The following GSDMB variants were observed in gnomAD, a reference collection of about 807,000 sequenced individuals.
GSDMB encodes gasdermin-B.
In GSDMB, 32 loss-of-function variants were observed where a neutral mutation model predicts 42.9. The ratio of observed to expected loss-of-function variants is 0.75; its 90% CI spans 0.56 to 1.00. The LOEUF is 1.00. GSDMB is among the 50% of genes least tolerant of loss of function. The probability of loss-of-function intolerance (pLI) is 0.00; values close to 1 mark genes in which losing one functional copy is unlikely to be tolerated. For missense variants in GSDMB, 468 were observed against 498.5 expected (o/e 0.94, Z 0.58); for synonymous variants, 175 against 193.7 (o/e 0.90, Z 0.80).
intron 10 of GSDMB, 100 bp from the exon 11 acceptor site, chr17:39,905,064 C>T (rs563874467): frequency 3.2e-5 from 30 of 949,286 alleles, no homozygotes; most frequent in Admixed American, 1.3e-4. Flanking sequence ...GATAGGCAGA[C>T]GTAATAATCC....
At chr17:39,912,291 T>G in intron 3 of GSDMB, 35 bp downstream of exon 3, 1 of 1,546,314 alleles carries the variant, frequency 6.5e-7, no homozygotes, top group Non-Finnish European at 8.9e-7. Flanking sequence ...ATGGGCTTCT[T>G]CCCCTCCTTC....
chr17:39,912,474 G>C lies in GSDMB; in HGVS notation c.259C>G (p.Leu87Val). 6.2e-7 allele frequency: 1 copy of C among 1,612,840 alleles called. No homozygotes were observed. Among genetic ancestry groups the C allele is most frequent in the Non-Finnish European group, 8.5e-7 (1 of 1,178,810 alleles). ...TCTCCCGTTGAGTCTACATTATCCA[G>C]AATTTGAAACTCAGCCTTTTGACCT... Reference protein sequence around the residue: ...LQGQKAEFQILDNVDSTGELI... With the variant: ...LQGQKAEFQIVDNVDSTGELI... The change falls in exon 3 of 11, where the codon CTG (leucine) becomes GTG (valine). Residue 87 changes from leucine (L) to valine (V), a missense_variant. Leu to Val is a conservative substitution (Grantham distance 32). Coordinates refer to ENST00000418519, the MANE Select transcript of GSDMB (RefSeq NM_001165958.2).
intron 6 of GSDMB, 162 bp from the exon 7 acceptor site, chr17:39,907,149 T>G: frequency 6.8e-7 from 1 of 1,462,404 alleles, no homozygotes; most frequent in Non-Finnish European, 9.0e-7. Context: ...GGGAAAGCAC[T>G]GTATTTGCAG....
chr17:39,915,152 A>G (rs1014412696), intron 2 of GSDMB, among the ~76,000 whole-genome samples: 1 of 151,810 alleles, frequency 6.6e-6, no homozygotes, highest in African/African-American at 2.4e-5. Flanking sequence ...TTGTATTTTT[A>G]GTAGAGACAG....
At chr17:39,909,504 C>G in intron 4 of GSDMB, 1 of 456,908 alleles carries the variant, frequency 2.2e-6, no homozygotes, top group Non-Finnish European at 3.9e-6. Flanking sequence ...TGAGACCAGC[C>G]TGGACAACAT....
chr17:39,910,024 C>A, intron 3 of GSDMB, 100 bp from the exon 4 acceptor site: 2 of 901,602 alleles, frequency 2.2e-6, no homozygotes, highest in Non-Finnish European at 1.7e-6. Flanking sequence ...GAAGATTAAT[C>A]GCTTCTGAGA....
Position 39,904,895 on chromosome 17 carries a change from C to T in GSDMB, c.1168G>A (p.Glu390Lys), listed in dbSNP as rs765175493. Residue 390 changes from glutamate to lysine, a missense_variant, in exon 11 of 11, where the codon GAG (glutamate) becomes AAG (lysine). Physicochemically the swap from Glu to Lys is moderately conservative, Grantham distance 56 (BLOSUM62 1). Coordinates refer to ENST00000418519, the MANE Select transcript of GSDMB (RefSeq NM_001165958.2). ...SSPPDMDYDP[E>K]ARILCALYVV... ...TACAGCGCACAGAGAATTCGTGCCT[C>T]AGGGTCATAGTCCATGTCAGGAGGA... 6.2e-7 allele frequency: 1 copy of T among 1,612,886 alleles called. No individual in the cohort carries two copies. Among genetic ancestry groups the T allele is most frequent in the Non-Finnish European group, 8.5e-7 (1 of 1,178,870 alleles).
At chr17:39,912,904 G>A (rs1006438672) in intron 2 of GSDMB, among the ~76,000 whole-genome samples, 4 of 152,080 alleles carry the variant, frequency 2.6e-5, no homozygotes, top group South Asian at 2.1e-4. Context: ...TCAGGAGTTC[G>A]AGACCAGCCT....
At chr17:39,917,713 A>C in intron 1 of GSDMB, 1 of 232,868 alleles carries the variant, frequency 4.3e-6, no homozygotes, top group Non-Finnish European at 8.6e-6. Context: ...ACTAATGATA[A>C]TGCCACCACC....
intron 2 of GSDMB, among the ~76,000 whole-genome samples, chr17:39,913,415 G>A (rs1466440631): frequency 6.6e-6 from 1 of 152,148 alleles, no homozygotes; most frequent in Non-Finnish European, 1.5e-5. Context: ...TTGAGGTCAG[G>A]AGTTGGAGAC....
At chr17:39,913,294 T>C (rs1268440982) in intron 2 of GSDMB, among the ~76,000 whole-genome samples, 2 of 151,850 alleles carry the variant, frequency 1.3e-5, no homozygotes, top group Non-Finnish European at 2.9e-5. Context: ...GCTAAAGAAG[T>C]AGGAGCCCCA....
chr17:39,913,801 C>T (rs548119292), intron 2 of GSDMB, among the ~76,000 whole-genome samples: 6 of 152,262 alleles, frequency 3.9e-5, no homozygotes, highest in African/African-American at 9.6e-5. Flanking sequence ...GAAGGGGCTG[C>T]GTGCCTTTGT....
rs1040875908 is a variant in GSDMB, at chr17:39,906,997, G to C, written c.701-10C>G. 4 of 1,613,756 alleles carry C rather than the reference G, an allele frequency of 2.5e-6. No homozygotes were observed. The highest frequency in any genetic ancestry group is 2.2e-5 in the East Asian group (1 of 44,880). Reference sequence around the variant, plus strand: ...GAAGCACCATCCTTCTCTGCAGAGAGAGGAAGAGTTATTTCAGAATCTTCA... The same window carrying C: ...GAAGCACCATCCTTCTCTGCAGAGACAGGAAGAGTTATTTCAGAATCTTCA... On this transcript the variant is annotated splice_polypyrimidine_tract_variant and intron_variant, in intron 6 of 10. Transcript: ENST00000418519.
At chr17:39,912,007 C>G (rs1034236064) in intron 3 of GSDMB, among the ~76,000 whole-genome samples, 1 of 151,626 alleles carries the variant, frequency 6.6e-6, no homozygotes, top group Admixed American at 6.6e-5. Flanking sequence ...AATTAACCAT[C>G]CTGGGGGACA....
At chr17:39,907,125 C>T in intron 6 of GSDMB, 138 bp from the exon 7 acceptor site, 1 of 1,506,666 alleles carries the variant, frequency 6.6e-7, no homozygotes, top group Non-Finnish European at 8.9e-7. Context: ...GCATCCTCAC[C>T]AGCGTGTGTC....
intron 4 of GSDMB, 161 bp downstream of exon 4, chr17:39,909,595 G>A: frequency 1.6e-6 from 1 of 630,682 alleles, no homozygotes; most frequent in South Asian, 1.9e-5. Flanking sequence ...AACAAGGGAA[G>A]GACTGGGCAA....
intron 10 of GSDMB, 170 bp downstream of exon 10, chr17:39,905,256 T>C (rs757192582): frequency 1.5e-5 from 9 of 618,000 alleles, no homozygotes; most frequent in African/African-American, 3.7e-5. Context: ...CCACCACAAA[T>C]TGTTCTGGCA....
At chr17:39,907,995 T>C (rs2063535531) in intron 6 of GSDMB, among the ~76,000 whole-genome samples, 181 bp downstream of exon 6, 1 of 152,186 alleles carries the variant, frequency 6.6e-6, no homozygotes, top group Non-Finnish European at 1.5e-5. Context: ...CTGGAAACCC[T>C]AGTCCGATGT....
At chr17:39,906,766 T>G in intron 7 of GSDMB, 195 bp downstream of exon 7, 1 of 1,375,822 alleles carries the variant, frequency 7.3e-7, no homozygotes, top group Non-Finnish European at 9.4e-7. Flanking sequence ...GGTGTGATTT[T>G]GGGGTATAAC....
Sources: gnomAD v4.1 joint callset for allele counts (sites outside exome capture counted in the v4.1 genomes callset) on GRCh38, gnomAD v4.1.1 for gene constraint, MANE v1.5 for transcripts, NCBI Gene and HGNC (gene_info 2026-07-23, HGNC 2026-07-21) for gene names.